The following CELF2 variants were observed in gnomAD, a reference collection of about 807,000 sequenced individuals.
CELF2 encodes CUGBP Elav-like family member 2.
CELF2 carries 8 observed loss-of-function variants against 62.6 expected under a neutral mutation model. The ratio of observed to expected loss-of-function variants is 0.13; its 90% CI spans 0.07 to 0.23. The LOEUF (loss-of-function observed/expected upper bound fraction) is 0.23, where lower values mean the gene tolerates loss of function less well. Ranked by LOEUF, CELF2 falls within the 10% of genes least tolerant of loss-of-function variation. The pLI is 1.00. For synonymous variants in CELF2, 258 were observed against 250.0 expected (o/e 1.03, Z -0.30); for missense variants, 333 against 671.0 (o/e 0.50, Z 5.56).
the CELF2 span, among the ~76,000 whole-genome samples, chr10:10,517,203 G>T: frequency 6.6e-6 from 1 of 152,074 alleles, no homozygotes; most frequent in African/African-American, 2.4e-5. Context: ...GGGTTATTCT[G>T]CATTCAATCG....
chr10:11,128,313 G>C (rs528402716), intron 1 of CELF2, among the ~76,000 whole-genome samples: 1 of 152,324 alleles, frequency 6.6e-6, no homozygotes, highest in Admixed American at 6.5e-5. Flanking sequence ...GTCAGGTAGT[G>C]TGATGCCTCC....
the CELF2 span, among the ~76,000 whole-genome samples, chr10:10,579,936 GAA>G: frequency 6.6e-6 from 1 of 151,864 alleles, no homozygotes; most frequent in African/African-American, 2.4e-5. Flanking sequence ...TGCTGATGGG[GAA>G]AAAAATGAGA....
chr10:10,640,777 A>C, the CELF2 span, among the ~76,000 whole-genome samples: 1 of 152,246 alleles, frequency 6.6e-6, no homozygotes, highest in African/African-American at 2.4e-5. Context: ...GAAAGAAAAA[A>C]TGTTTCTGTG....
intron 2 of CELF2, among the ~76,000 whole-genome samples, chr10:11,184,277 A>G (rs2074261840): frequency 6.6e-6 from 1 of 152,218 alleles, no homozygotes; most frequent in Admixed American, 6.5e-5. Context: ...TTGCATCAGT[A>G]TTACATTGCA....
At chr10:10,978,046 T>A (rs971238087) in intron 2 of CELF2, among the ~76,000 whole-genome samples, 1 of 151,386 alleles carries the variant, frequency 6.6e-6, no homozygotes, top group Admixed American at 6.6e-5. Flanking sequence ...TTTTTGTTTT[T>A]TTTTTTCCAG....
intron 2 of CELF2, among the ~76,000 whole-genome samples, chr10:10,964,656 C>T (rs995024626): frequency 6.6e-6 from 1 of 152,168 alleles, no homozygotes. Flanking sequence ...TTTTCAGATA[C>T]ATCTACAGAA....
At chr10:11,213,627 G>T (rs372297941) in intron 2 of CELF2, among the ~76,000 whole-genome samples, 2 of 152,104 alleles carry the variant, frequency 1.3e-5, no homozygotes, top group Non-Finnish European at 2.9e-5. Context: ...AGTGATAGGT[G>T]GATAAAAAGA....
At chr10:11,218,933 T>A (rs1293577789) in intron 3 of CELF2, among the ~76,000 whole-genome samples, 1 of 152,202 alleles carries the variant, frequency 6.6e-6, no homozygotes, top group Admixed American at 6.5e-5. Flanking sequence ...ACTCAGCCAA[T>A]AATAGATGAA....
chr10:10,712,145 G>GAGAAAAAAAAA, the CELF2 span, among the ~76,000 whole-genome samples: 1 of 14,764 alleles, frequency 6.8e-5, no homozygotes, highest in African/African-American at 3.4e-4. Context: ...GTAGGATAGA[G>GAGAAAAAAAAA]ACAAAAAAAA....
At position 10,910,432 on chromosome 10, in the gene CELF2, T is replaced by C. The variant is rs536599697; in HGVS notation, c.54-9532T>C. On this transcript the variant is annotated intron_variant, in intron 1 of 13. Transcript: ENST00000636488. The stretch of plus-strand genomic sequence containing the variant: ...AAACACAGGCCAGTGCAGTAGTTCA[T>C]GCCTGTAATCCCAACACTTTGGGAG... 4.1e-4 allele frequency among the ~76,000 whole-genome samples: 63 copies of C among 152,246 alleles called. No homozygotes were observed. The Middle Eastern group carries it at 0.01, about 25-fold the overall frequency.
chr10:10,597,466 A>G, the CELF2 span, among the ~76,000 whole-genome samples: 1 of 152,240 alleles, frequency 6.6e-6, no homozygotes, highest in Admixed American at 6.5e-5. Context: ...GTGTTTCTTG[A>G]ATAACAATGA....
At chr10:10,572,348 A>G in the CELF2 span, among the ~76,000 whole-genome samples, 1 of 97,586 alleles carries the variant, frequency 1.0e-5, no homozygotes, top group Non-Finnish European at 2.3e-5. Flanking sequence ...TTTTTTTTTA[A>G]TTTTTCTTTT....
chr10:10,508,672 G>A, the CELF2 span, among the ~76,000 whole-genome samples: 48,751 of 127,232 alleles, frequency 0.38, 9,031 homozygotes, highest in East Asian at 0.7. Context: ...GTGTGTGTGT[G>A]TGTGTGTGTG....
the CELF2 span, among the ~76,000 whole-genome samples, chr10:10,787,000 C>T: frequency 1.3e-5 from 2 of 151,620 alleles, no homozygotes; most frequent in African/African-American, 2.4e-5. Context: ...AAATTATTTT[C>T]AGTTTTCAAG....
chr10:11,222,009 C>G (rs1157339710), intron 3 of CELF2, among the ~76,000 whole-genome samples: 1 of 152,224 alleles, frequency 6.6e-6, no homozygotes, highest in Non-Finnish European at 1.5e-5. Context: ...AGTGTGTTCA[C>G]CCAGGTGGAG....
chr10:10,507,664 A>G, the CELF2 span, among the ~76,000 whole-genome samples: 137,783 of 152,226 alleles, frequency 0.91, 62,961 homozygotes, highest in East Asian at 1. Flanking sequence ...AGAGACCAGG[A>G]TGGAAAGGAG....
At position 11,319,271 on chromosome 10, in the gene CELF2, A is replaced by T; in HGVS notation, c.1097-1918A>T. 8.1e-6 allele frequency: 3 copies of T among 369,336 alleles called. No homozygotes were observed. The highest frequency in any genetic ancestry group is 1.6e-5 in the Non-Finnish European group (3 of 182,272). The allele number at this position is 369,336 out of a possible 1,614,324, so 22.9% of individuals were successfully genotyped here. A position where few individuals can be genotyped will look rare whatever the true frequency, so the allele number is the denominator to read the frequency against. ...CGTCCAGCCCTTCCCGAGTTATTGTACATACCCCTCTCACCTATCTCAAAA... is the reference window on the plus strand; with the variant it reads ...CGTCCAGCCCTTCCCGAGTTATTGTTCATACCCCTCTCACCTATCTCAAAA... On this transcript the variant is annotated intron_variant, in intron 10 of 12. Coordinates refer to ENST00000633077, the MANE Select transcript of CELF2 (RefSeq NM_001326342.2). The surrounding 1 kb of genome is among the most constrained non-coding windows in gnomAD (Gnocchi z 4.4).
chr10:11,169,670 G>A (rs2068246064), intron 2 of CELF2, among the ~76,000 whole-genome samples: 1 of 152,196 alleles, frequency 6.6e-6, no homozygotes, highest in South Asian at 2.1e-4. Context: ...AGACTCTCGA[G>A]ACTCTAGGAA....
intron 1 of CELF2, among the ~76,000 whole-genome samples, chr10:10,829,587 G>C (rs7086587): frequency 0.071 from 10,798 of 152,242 alleles, 509 homozygotes; most frequent in East Asian, 0.23. Flanking sequence ...TTCCTTCCCA[G>C]ATGTTATTCC....
Sources: allele counts gnomAD v4.1 joint callset (sites outside exome capture counted in the v4.1 genomes callset), GRCh38; gene constraint gnomAD v4.1.1; non-coding constraint Gnocchi (gnomAD v3.1); transcripts MANE v1.5; gene names NCBI Gene and HGNC (gene_info 2026-07-23, HGNC 2026-07-21).